CADPS: variants seen among roughly 807,000 people sequenced by gnomAD.
The protein encoded by CADPS is calcium dependent secretion activator.
A neutral mutation model predicts 167.3 loss-of-function variants in CADPS; 57 were observed. That is an observed-to-expected ratio of 0.34 (90% CI 0.28 to 0.42). The LOEUF is 0.42. Ranked by LOEUF, CADPS falls within the 20% of genes least tolerant of loss-of-function variation. The pLI is 1.00. For missense variants in CADPS, 1,414 were observed against 1,738.1 expected, an observed-to-expected ratio of 0.81 and a Z score of 3.32; for synonymous variants, 676 against 635.3, an observed-to-expected ratio of 1.06 and a Z score of -0.96.
rs35911391 is a variant in CADPS, at chr3:62,491,558, A to AACACACACAC, written c.2885-88_2885-79dup. ...TACAACACACACACACACACACACA[A>AACACACACAC]ACACACACACACACACACACACACA... On this transcript the variant is annotated intron_variant, in intron 20 of 29. Transcript: ENST00000383710. The AACACACACAC allele has an allele frequency of 5.0e-3, 2,623 of 526,492 alleles. 24 individuals are homozygous for AACACACACAC. The highest frequency in any genetic ancestry group is 9.5e-3 in the South Asian group (311 of 32,782). 32.6% of individuals were successfully genotyped at this position (526,492 alleles called of 1,614,324 possible). A position where few individuals can be genotyped will look rare whatever the true frequency, so the allele number is the denominator to read the frequency against.
At chr3:62,573,678 T>C (rs2081733624) in intron 8 of CADPS, among the ~76,000 whole-genome samples, 1 of 152,194 alleles carries the variant, frequency 6.6e-6, no homozygotes. Context: ...CTGCTCCTCA[T>C]GGGAAAACTC....
intron 11 of CADPS, among the ~76,000 whole-genome samples, chr3:62,536,929 C>T (rs1421048287): frequency 6.6e-6 from 1 of 152,126 alleles, no homozygotes; most frequent in Non-Finnish European, 1.5e-5. Context: ...TTAAGATAGC[C>T]TATTTAGCTT....
chr3:62,721,798 G>T (rs1466148605), intron 3 of CADPS, among the ~76,000 whole-genome samples: 1 of 150,986 alleles, frequency 6.6e-6, no homozygotes, highest in African/African-American at 2.5e-5. Context: ...ACCTTGTGAA[G>T]TAGGTACTAT....
Position 62,874,914 on chromosome 3 carries a change from C to A in CADPS, c.116G>T (p.Ser39Ile), listed in dbSNP as rs2083395130. 1.4e-6 allele frequency: 2 copies of A among 1,450,644 alleles called. No homozygotes were observed. The highest frequency in any genetic ancestry group is 1.5e-5 in the African/African-American group (1 of 68,002). The allele number at this position is 1,450,644 out of a possible 1,614,324, so 89.9% of individuals were successfully genotyped here. A position where few individuals can be genotyped will look rare whatever the true frequency, so the allele number is the denominator to read the frequency against. ...SGARLSPSRT[S>I]EGSAGSAGLG... ...CCCGGCGCTGCCGGCCGAGCCCTCG[C>A]TGGTACGGCTGGGAGACAGGCGCGC... The change falls in exon 1 of 30, where the codon AGC becomes ATC. Residue 39 changes from serine to isoleucine, a missense_variant. Ser to Ile is a moderately radical substitution (Grantham distance 142). Around this residue, in one of 6 missense-constraint regions of CADPS, gnomAD observed 522 missense variants for 559.5 expected, o/e 0.93. Coordinates refer to ENST00000383710, the MANE Select transcript of CADPS (RefSeq NM_003716.4). The surrounding 1 kb of genome is among the most constrained non-coding windows in gnomAD (Gnocchi z 7.1).
intron 1 of CADPS, among the ~76,000 whole-genome samples, chr3:62,858,072 CAGG>C (rs1311416036): frequency 6.6e-6 from 1 of 152,028 alleles, no homozygotes; most frequent in African/African-American, 2.4e-5. Flanking sequence ...AGAAATACAG[CAGG>C]AGGTCAACAA....
In CADPS at chr3:62,690,300, A is replaced by T. The variant is rs558199040; in HGVS notation, c.889-27906T>A. 2.0e-5 allele frequency among the ~76,000 whole-genome samples: 3 copies of T among 152,142 alleles called. No individual in the cohort carries two copies. In the South Asian group the frequency reaches 6.2e-4, roughly 32 times the overall value. ...GACTTATTGTCAAGTTTTTCTTATG[A>T]CAGAGTATCATAATCTCCAAGATGA... is the stretch of plus-strand genomic sequence containing the variant. On this transcript the variant is annotated intron_variant, in intron 3 of 29. Coordinates refer to ENST00000383710, the MANE Select transcript of CADPS (RefSeq NM_003716.4).
intron 3 of CADPS, among the ~76,000 whole-genome samples, chr3:62,690,055 A>G (rs954270486): frequency 5.9e-5 from 9 of 151,918 alleles, no homozygotes; most frequent in African/African-American, 1.7e-4. Flanking sequence ...AGCAGCTACC[A>G]TGTCAACCAT....
intron 4 of CADPS, among the ~76,000 whole-genome samples, chr3:62,659,266 A>G (rs946828274): frequency 6.6e-6 from 1 of 152,188 alleles, no homozygotes; most frequent in African/African-American, 2.4e-5. Context: ...TAAAAAGAAG[A>G]TAAGCAGAGG....
At chr3:62,594,834 G>A (rs1441205161) in intron 6 of CADPS, among the ~76,000 whole-genome samples, 2 of 152,190 alleles carry the variant, frequency 1.3e-5, no homozygotes, top group East Asian at 3.9e-4. Flanking sequence ...TTCCCAAAAT[G>A]CTTTCCACAA....
At position 62,403,176 on chromosome 3, in the gene CADPS, T is replaced by G. The variant is rs1216926669; in HGVS notation, c.3787A>C (p.Asn1263His). 1.2e-6 allele frequency: 2 copies of G among 1,612,230 alleles called. No homozygotes were observed. The highest frequency in any genetic ancestry group is 1.7e-6 in the Non-Finnish European group (2 of 1,178,640). ...YIERLFDQWYNSSMNVICTWL... is the reference protein window; with the variant it reads ...YIERLFDQWYHSSMNVICTWL... ...GTGCAGATCACGTTCATGGAGCTGT[T>G]GTACCATTGCTGAAAAAAGAGACAA... Residue 1263 changes from asparagine (N) to histidine (H), a missense_variant, in exon 29 of 30, where the codon AAC becomes CAC. Asn to His is a moderately conservative substitution (Grantham distance 68, BLOSUM62 1). Coordinates refer to ENST00000383710, the MANE Select transcript of CADPS (RefSeq NM_003716.4).
intron 18 of CADPS, among the ~76,000 whole-genome samples, chr3:62,497,528 C>A (rs1016377621): frequency 1.4e-4 from 21 of 152,242 alleles, no homozygotes; most frequent in Admixed American, 5.9e-4. Context: ...TATAGGATAG[C>A]GTAGGAAAAA....
intron 26 of CADPS, among the ~76,000 whole-genome samples, chr3:62,453,260 T>C (rs2058294096): frequency 6.6e-6 from 1 of 152,182 alleles, no homozygotes; most frequent in African/African-American, 2.4e-5. Context: ...GAGCTGTGTT[T>C]TTTTAAAAAA....
chr3:62,513,186 C>T (rs372109829), intron 16 of CADPS, among the ~76,000 whole-genome samples: 9 of 152,038 alleles, frequency 5.9e-5, no homozygotes, highest in African/African-American at 2.2e-4. Flanking sequence ...AATGGACCAC[C>T]TGGTGTGGTC....
intron 13 of CADPS, chr3:62,530,614 G>C: frequency 3.3e-6 from 4 of 1,217,038 alleles, no homozygotes; most frequent in Non-Finnish European, 4.2e-6. Flanking sequence ...AAAGGGTAAA[G>C]ATATTACAAA....
At chr3:62,448,956 A>C (rs752191881) in intron 26 of CADPS, among the ~76,000 whole-genome samples, 16 of 152,148 alleles carry the variant, frequency 1.1e-4, no homozygotes, top group Non-Finnish European at 1.2e-4. Flanking sequence ...GATGAGGAAA[A>C]GGGGGATTCT....
At chr3:62,552,677 G>A (rs2077503692) in intron 10 of CADPS, among the ~76,000 whole-genome samples, 2 of 152,136 alleles carry the variant, frequency 1.3e-5, no homozygotes, top group Non-Finnish European at 2.9e-5. Flanking sequence ...TCATTGTGCC[G>A]ATGCAATTTA....
At chr3:62,646,560 T>C (rs2068636323) in intron 5 of CADPS, among the ~76,000 whole-genome samples, 1 of 152,148 alleles carries the variant, frequency 6.6e-6, no homozygotes, top group South Asian at 2.1e-4. Context: ...TGCTTCACAA[T>C]AAGATAAGTA....
intron 26 of CADPS, among the ~76,000 whole-genome samples, chr3:62,462,142 C>G (rs967756232): frequency 5.3e-5 from 8 of 152,232 alleles, no homozygotes; most frequent in African/African-American, 1.7e-4. Context: ...CACGCAAAAG[C>G]ACATCTTGTA....
intron 6 of CADPS, among the ~76,000 whole-genome samples, chr3:62,633,338 C>T (rs577400233): frequency 1.9e-4 from 29 of 152,258 alleles, no homozygotes; most frequent in African/African-American, 5.1e-4. Flanking sequence ...ATGCCTCATG[C>T]GGTCCTTCTC....
Sources: allele counts gnomAD v4.1 joint callset (sites outside exome capture counted in the v4.1 genomes callset), GRCh38; gene constraint gnomAD v4.1.1; regional missense constraint gnomAD v4.1.1; non-coding constraint Gnocchi (gnomAD v3.1); transcripts MANE v1.5; gene names NCBI Gene and HGNC (gene_info 2026-07-23, HGNC 2026-07-21).